The following MYO1H variants were observed in gnomAD, a reference collection of about 807,000 sequenced individuals.
The protein encoded by MYO1H is unconventional myosin-Ih.
Under a neutral mutation model 149.3 loss-of-function variants are expected in MYO1H, and 118 were observed. The ratio of observed to expected loss-of-function variants is 0.79; its 90% CI spans 0.68 to 0.92. The LOEUF (loss-of-function observed/expected upper bound fraction) is 0.92. Ranked by LOEUF, MYO1H falls within the 40% of genes least tolerant of loss-of-function variation. The pLI, the probability that MYO1H is intolerant of heterozygous loss-of-function variation, is 0.00. For missense variants in MYO1H, 1,212 were observed against 1,280.7 expected (o/e 0.95, Z 0.82); for synonymous variants, 447 against 465.2 (o/e 0.96, Z 0.50).
chr12:109,426,117 G>A, intron 18 of MYO1H, 66 bp downstream of exon 18: 2 of 1,143,850 alleles, frequency 1.7e-6, no homozygotes, highest in Non-Finnish European at 1.3e-6. Flanking sequence ...CAAGGTGGCA[G>A]TGGGTTGGGA....
chr12:109,440,854 G>C (rs766324260), intron 25 of MYO1H, 27 bp downstream of exon 25: 1 of 1,488,576 alleles, frequency 6.7e-7, no homozygotes, highest in Admixed American at 2.0e-5. Context: ...TGCGGTGGCC[G>C]GTGGTGGGGG....
intron 1 of MYO1H, among the ~76,000 whole-genome samples, chr12:109,349,497 C>CTCAA: frequency 6.9e-6 from 1 of 144,514 alleles, no homozygotes; most frequent in East Asian, 2.0e-4. Context: ...ACCCCCCCAC[C>CTCAA]AAAAAAATTA....
chr12:109,418,735 G>A (rs963692716), intron 15 of MYO1H, among the ~76,000 whole-genome samples: 4 of 151,916 alleles, frequency 2.6e-5, no homozygotes, highest in Non-Finnish European at 4.4e-5. Flanking sequence ...TAGTAGAGAC[G>A]GGGTTTCACC....
chr12:109,395,071 T>C (rs1309411846), intron 3 of MYO1H, among the ~76,000 whole-genome samples: 1 of 152,178 alleles, frequency 6.6e-6, no homozygotes, highest in Admixed American at 6.6e-5. Context: ...GCCACCACCA[T>C]GTATTAAAAG....
chr12:109,415,632 T>A lies in MYO1H; in HGVS notation c.1597+12T>A. 6.3e-7 allele frequency: 1 copy of A among 1,579,878 alleles called. No homozygotes were observed. Reference sequence around the variant, plus strand: ...ATACTGCACCAAGGGTGAGTGGCCGTGGGGTACAGGTGACAGCCATGTATG... The same window carrying A: ...ATACTGCACCAAGGGTGAGTGGCCGAGGGGTACAGGTGACAGCCATGTATG... On this transcript the variant is annotated intron_variant, in intron 15 of 31. Transcript: ENST00000310903.
intron 1 of MYO1H, among the ~76,000 whole-genome samples, chr12:109,372,465 A>G (rs1220455379): frequency 6.6e-6 from 1 of 152,080 alleles, no homozygotes; most frequent in Non-Finnish European, 1.5e-5. Context: ...AATGCCATTT[A>G]TTGAATAACT....
intron 1 of MYO1H, among the ~76,000 whole-genome samples, chr12:109,381,065 C>T (rs927724111): frequency 2.0e-5 from 3 of 152,128 alleles, no homozygotes; most frequent in African/African-American, 4.8e-5. Flanking sequence ...GGTCTAGAAA[C>T]AATGATTAAC....
intron 1 of MYO1H, among the ~76,000 whole-genome samples, chr12:109,377,299 T>C (rs1009043986): frequency 2.6e-5 from 4 of 152,182 alleles, no homozygotes; most frequent in African/African-American, 9.7e-5. Flanking sequence ...CTGCACGTGT[T>C]GAGGGCCTCA....
exon 17 of MYO1H, chr12:109,424,755 G>A: frequency 6.2e-7 from 1 of 1,613,742 alleles, no homozygotes; most frequent in Non-Finnish European, 8.5e-7. Context: ...CAGGTGCTGT[G>A]CAAGTCCAAG....
chr12:109,332,389 A>G, the MYO1H span, among the ~76,000 whole-genome samples: 2 of 151,910 alleles, frequency 1.3e-5, no homozygotes, highest in Non-Finnish European at 2.9e-5. Context: ...GGCATTTTGG[A>G]TGAAGGGGGC....
chr12:109,396,452 C>T, exon 4 of MYO1H: 1 of 1,613,952 alleles, frequency 6.2e-7, no homozygotes, highest in Non-Finnish European at 8.5e-7. Flanking sequence ...ATCCTCATTT[C>T]TGGAGAGAGT....
chr12:109,346,451 T>A (rs149491205), upstream of MYO1H, among the ~76,000 whole-genome samples: 10 of 152,326 alleles, frequency 6.6e-5, no homozygotes, highest in East Asian at 1.9e-3. Flanking sequence ...ATATTTCAGA[T>A]ATGCAAAAAT....
intron 22 of MYO1H, among the ~76,000 whole-genome samples, chr12:109,436,841 C>A (rs1352745359): frequency 6.6e-6 from 1 of 152,156 alleles, no homozygotes; most frequent in African/African-American, 2.4e-5. Context: ...ATAATCCTAG[C>A]ACTTTGGGAG....
At chr12:109,406,103 G>A in intron 8 of MYO1H, 68 bp downstream of exon 8, 1 of 1,132,934 alleles carries the variant, frequency 8.8e-7, no homozygotes, top group South Asian at 1.3e-5. Flanking sequence ...AGGTAGCTGG[G>A]TGCCCACAGT....
intron 1 of MYO1H, among the ~76,000 whole-genome samples, chr12:109,362,622 T>C (rs1280318836): frequency 1.3e-5 from 2 of 152,186 alleles, no homozygotes; most frequent in Non-Finnish European, 2.9e-5. Context: ...CAAAAGAGGA[T>C]GGGTTTGATC....
chr12:109,406,272 A>G (rs1041331523), intron 8 of MYO1H, among the ~76,000 whole-genome samples: 3 of 151,342 alleles, frequency 2.0e-5, no homozygotes, highest in Non-Finnish European at 4.4e-5. Context: ...CTGGGCAGAT[A>G]ACCCTGGGCC....
intron 28 of MYO1H, 69 bp from the exon 29 acceptor site, chr12:109,444,144 A>T: frequency 2.5e-6 from 3 of 1,192,450 alleles, no homozygotes; most frequent in South Asian, 1.2e-5. Flanking sequence ...CCCTGGGCGT[A>T]TCTCTTCTTC....
intron 1 of MYO1H, among the ~76,000 whole-genome samples, chr12:109,386,925 C>T (rs1198189434): frequency 6.6e-6 from 1 of 151,282 alleles, no homozygotes; most frequent in Non-Finnish European, 1.5e-5. Context: ...AAAGATGGTC[C>T]CCTTGTTTAC....
intron 19 of MYO1H, among the ~76,000 whole-genome samples, chr12:109,427,909 A>AAAAAAAAATTATATAT (rs1555254298): frequency 6.1e-5 from 1 of 16,416 alleles, no homozygotes; most frequent in African/African-American, 3.1e-4. Context: ...AAAAAAAAAA[A>AAAAAAAAATTATATAT]ATATATATAT....
Sources: allele counts gnomAD v4.1 joint callset (sites outside exome capture counted in the v4.1 genomes callset), GRCh38; gene constraint gnomAD v4.1.1; transcripts MANE v1.5; gene names NCBI Gene and HGNC (gene_info 2026-07-23, HGNC 2026-07-21).